The following GORASP2 variants were observed in gnomAD, a reference collection of about 807,000 sequenced individuals.
The protein encoded by GORASP2 is Golgi reassembly-stacking protein 2.
In GORASP2, 22 loss-of-function variants were observed where a neutral mutation model predicts 45.7. The observed-to-expected ratio is 0.48, with a 90% CI of 0.34 to 0.69. The LOEUF (loss-of-function observed/expected upper bound fraction) is 0.69, where lower values mean the gene tolerates loss of function less well. Ranked by LOEUF, GORASP2 falls within the 30% of genes least tolerant of loss-of-function variation. The probability of loss-of-function intolerance (pLI) is 0.01; values close to 1 mark genes in which losing one functional copy is unlikely to be tolerated. For missense variants in GORASP2, 491 were observed against 562.7 expected, an observed-to-expected ratio of 0.87 and a Z score of 1.29; for synonymous variants, 221 against 215.6, an observed-to-expected ratio of 1.02 and a Z score of -0.22.
chr2:170,940,584 G>A (rs909285719), intron 1 of GORASP2, among the ~76,000 whole-genome samples: 4 of 151,724 alleles, frequency 2.6e-5, no homozygotes, highest in Middle Eastern at 3.5e-3. Context: ...GCTAAATCTG[G>A]TAAAACTTTT....
At chr2:170,956,346 T>G (rs1704427669) in intron 6 of GORASP2, 90 bp from the exon 7 acceptor site, 2 of 1,158,454 alleles carry the variant, frequency 1.7e-6, no homozygotes, top group Non-Finnish European at 2.4e-6. Context: ...GAACCAAATA[T>G]CTATCTGCAG....
Position 170,966,170 on chromosome 2 carries a change from C to G in GORASP2, c.*40C>G. 7.1e-7 allele frequency: 1 copy of G among 1,409,034 alleles called. No individual in the cohort carries two copies. The highest frequency in any genetic ancestry group is 1.7e-5 in the Admixed American group (1 of 59,734). 87.3% of individuals were successfully genotyped at this position (1,409,034 alleles called of 1,614,324 possible). On this transcript the variant is annotated 3_prime_UTR_variant, in exon 10 of 10. Coordinates refer to ENST00000234160, the MANE Select transcript of GORASP2 (RefSeq NM_015530.5). ...TTGGAATTGGCGTGGTATATTTAAC[C>G]ACGGGAGCGTGTCTGGAAACGCAAA...
intron 9 of GORASP2, 55 bp from the exon 10 acceptor site, chr2:170,965,735 C>A: frequency 8.4e-7 from 1 of 1,195,908 alleles, no homozygotes; most frequent in South Asian, 1.2e-5. Flanking sequence ...TTTGACAATG[C>A]CTGCTGTCCT....
chr2:170,954,666 G>A lies in GORASP2; in HGVS notation c.583G>A (p.Gly195Arg). ...GGEGSLGCGI[G>R]YGYLHRIPTR... ...TTTTTATAGCCTAGGATGTGGCATT[G>A]GATATGGTTATTTGCATCGAATACC... Residue 195 changes from glycine to arginine, a missense_variant, in exon 6 of 10, where the codon GGA becomes AGA. Gly to Arg is a moderately radical substitution (Grantham distance 125, BLOSUM62 -2). Transcript: ENST00000234160. 6.2e-7 allele frequency: 1 copy of A among 1,613,124 alleles called. No homozygotes were observed. Among genetic ancestry groups the A allele is most frequent in the Non-Finnish European group, 8.5e-7 (1 of 1,179,392 alleles).
At chr2:170,945,741 G>A (rs559174980) in intron 1 of GORASP2, among the ~76,000 whole-genome samples, 7 of 152,240 alleles carry the variant, frequency 4.6e-5, no homozygotes, top group African/African-American at 1.4e-4. Flanking sequence ...ATAATTTGGC[G>A]TAAATAAAAG....
In GORASP2 at chr2:170,966,515, A is replaced by G. The variant is rs1165564250; in HGVS notation, c.*385A>G. Reference sequence around the variant, plus strand: ...ATTCTATGCCTAATACTCACACGCAACATTTCTTGTACTTTGTAAGTCGTT... The same window carrying G: ...ATTCTATGCCTAATACTCACACGCAGCATTTCTTGTACTTTGTAAGTCGTT... On this transcript the variant is annotated 3_prime_UTR_variant, in exon 10 of 10. Transcript: ENST00000234160. 1.6e-5 allele frequency: 4 copies of G among 248,928 alleles called. No individual in the cohort carries two copies. Among genetic ancestry groups the G allele is most frequent in the South Asian group, 1.0e-4 (2 of 19,442 alleles). The allele number at this position is 248,928 out of a possible 1,614,324, so 15.4% of individuals were successfully genotyped here.
At chr2:170,934,841 A>C (rs1398149903) in intron 1 of GORASP2, among the ~76,000 whole-genome samples, 11 of 151,168 alleles carry the variant, frequency 7.3e-5, no homozygotes. Context: ...AAGTCCAAGC[A>C]ATTCTCCTGC....
chr2:170,930,005 T>A, intron 1 of GORASP2: 1 of 323,834 alleles, frequency 3.1e-6, no homozygotes, highest in Non-Finnish European at 6.4e-6. Context: ...GTGCCACTCC[T>A]GACCCTCCCA....
chr2:170,938,596 C>G (rs1010311207), intron 1 of GORASP2, among the ~76,000 whole-genome samples: 4 of 152,182 alleles, frequency 2.6e-5, no homozygotes, highest in Non-Finnish European at 5.9e-5. Context: ...AATGATCTTG[C>G]TGTATTTGAT....
chr2:170,937,647 AAG>A (rs539518385), intron 1 of GORASP2, among the ~76,000 whole-genome samples: 10 of 152,148 alleles, frequency 6.6e-5, no homozygotes, highest in African/African-American at 2.2e-4. Flanking sequence ...AAGAAAAAGA[AAG>A]AGAGAGGGAA....
chr2:170,948,495 G>C lies in GORASP2; in HGVS notation c.144+65G>C, dbSNP rs1704227406. ...AATCTCTCAAAAATGGAATTTTTCA[G>C]ATGACCTGAGATGGGTATTTATTAG... On this transcript the variant is annotated intron_variant, in intron 2 of 9. Transcript: ENST00000234160. 6.3e-6 allele frequency: 5 copies of C among 787,498 alleles called. No individual in the cohort carries two copies. In the Admixed American group the frequency reaches 1.2e-4, roughly 18 times the overall value. The allele number at this position is 787,498 out of a possible 1,614,324, so 48.8% of individuals were successfully genotyped here.
chr2:170,948,496 A>G (rs1213636442), intron 2 of GORASP2, 66 bp downstream of exon 2: 1 of 788,328 alleles, frequency 1.3e-6, no homozygotes, highest in African/African-American at 1.7e-5. Flanking sequence ...AATTTTTCAG[A>G]TGACCTGAGA....
At chr2:170,950,029 A>G (rs867917837) in intron 3 of GORASP2, 175 bp from the exon 4 acceptor site, 12 of 531,936 alleles carry the variant, frequency 2.3e-5, no homozygotes, top group Middle Eastern at 4.9e-4. Flanking sequence ...AATATTATGT[A>G]ATTTTTATGC....
intron 5 of GORASP2, 136 bp downstream of exon 5, chr2:170,951,594 G>C: frequency 1.4e-6 from 1 of 705,858 alleles, no homozygotes; most frequent in Non-Finnish European, 2.3e-6. Context: ...GGAAGAGCTA[G>C]TCTAGAATAT....
chr2:170,938,764 G>A (rs373033256), intron 1 of GORASP2, among the ~76,000 whole-genome samples: 1 of 152,132 alleles, frequency 6.6e-6, no homozygotes, highest in Non-Finnish European at 1.5e-5. Context: ...AGGCCGAGGC[G>A]GTGATCACCT....
intron 9 of GORASP2, among the ~76,000 whole-genome samples, chr2:170,963,188 C>G (rs571416772): frequency 1.3e-5 from 2 of 152,212 alleles, no homozygotes; most frequent in South Asian, 4.1e-4. Flanking sequence ...GCCTGGCCAA[C>G]ATGGCAAAAC....
chr2:170,934,884 C>G (rs929251909), intron 1 of GORASP2, among the ~76,000 whole-genome samples: 1 of 151,924 alleles, frequency 6.6e-6, no homozygotes, highest in Non-Finnish European at 1.5e-5. Context: ...ATTACAGGTT[C>G]CTGCCACCGT....
chr2:170,930,470 G>A (rs1162827047), intron 1 of GORASP2, among the ~76,000 whole-genome samples: 1 of 152,190 alleles, frequency 6.6e-6, no homozygotes, highest in Non-Finnish European at 1.5e-5. Context: ...ACTTCCTGGT[G>A]CTACCTTCAT....
chr2:170,944,161 A>G, intron 1 of GORASP2, among the ~76,000 whole-genome samples: 1 of 152,172 alleles, frequency 6.6e-6, no homozygotes, highest in East Asian at 1.9e-4. Flanking sequence ...TTGAAGTGGT[A>G]ATCTGATGCT....
Sources: gnomAD v4.1 joint callset for allele counts (sites outside exome capture counted in the v4.1 genomes callset) on GRCh38, gnomAD v4.1.1 for gene constraint, MANE v1.5 for transcripts, NCBI Gene and HGNC (gene_info 2026-07-23, HGNC 2026-07-21) for gene names.